NYAP2: variants seen among roughly 807,000 people sequenced by gnomAD.
NYAP2 encodes neuronal tyrosine-phosphorylated phosphoinositide-3-kinase adapter 2.
NYAP2 carries 23 observed loss-of-function variants against 50.4 expected under a neutral mutation model. The observed-to-expected ratio is 0.46, with a 90% CI of 0.33 to 0.65. NYAP2 has a LOEUF of 0.65. Among genes scored for constraint, NYAP2 ranks in the 30% least tolerant of loss-of-function variants. NYAP2 has a pLI of 0.02. For missense variants in NYAP2, 885 were observed against 861.0 expected (o/e 1.03, Z -0.35); for synonymous variants, 394 against 365.2 (o/e 1.08, Z -0.90).
chr2:225,583,194 T>A (rs973033520), intron 5 of NYAP2, among the ~76,000 whole-genome samples, 159 bp downstream of exon 5: 2 of 152,222 alleles, frequency 1.3e-5, no homozygotes, highest in Non-Finnish European at 2.9e-5. Context: ...ATTTTTGCCA[T>A]GCTAAACCAA....
chr2:225,561,822 A>G lies in NYAP2; in HGVS notation c.524-20119A>G, dbSNP rs961978234. On this transcript the variant is annotated intron_variant, in intron 4 of 6. Coordinates refer to ENST00000636099, the Ensembl canonical transcript of NYAP2. ...TCTATATTTCTGTATTATATGTATCATGTTATGTTGACAGTAAATGTTAAA... is the reference window on the plus strand; with the variant it reads ...TCTATATTTCTGTATTATATGTATCGTGTTATGTTGACAGTAAATGTTAAA... 9.9e-5 allele frequency among the ~76,000 whole-genome samples: 15 copies of G among 152,058 alleles called. 1 individual carries two copies. The highest frequency in any genetic ancestry group is 6.6e-5 in the Admixed American group (1 of 15,246).
intron 4 of NYAP2, among the ~76,000 whole-genome samples, chr2:225,532,775 C>T (rs1691280192): frequency 6.6e-6 from 1 of 152,156 alleles, no homozygotes; most frequent in South Asian, 2.1e-4. Context: ...CTGGTACCTG[C>T]TACTAGCCAA....
chr2:225,399,532 TA>T (rs1348995782), upstream of NYAP2, among the ~76,000 whole-genome samples: 3 of 152,022 alleles, frequency 2.0e-5, no homozygotes, highest in African/African-American at 7.2e-5. Context: ...TTATTTTAGT[TA>T]AAAAAATGTG....
downstream of NYAP2, among the ~76,000 whole-genome samples, chr2:225,657,442 C>T (rs1358155070): frequency 6.6e-6 from 1 of 151,778 alleles, no homozygotes; most frequent in African/African-American, 2.4e-5. Flanking sequence ...GGTGCCCACC[C>T]CAACTCTGAA....
chr2:225,670,514 T>C, the NYAP2 span, among the ~76,000 whole-genome samples: 1 of 151,792 alleles, frequency 6.6e-6, no homozygotes, highest in South Asian at 2.1e-4. Context: ...ATTAATGGTC[T>C]TGGTTATGAT....
At chr2:225,656,003 G>C (rs927721036), downstream of NYAP2, among the ~76,000 whole-genome samples, 2 of 150,926 alleles carry the variant, frequency 1.3e-5, no homozygotes, top group Non-Finnish European at 2.9e-5. Context: ...TTTTACAGCA[G>C]ATTCTCATGT....
At chr2:225,615,011 T>TTA (rs1692963923) in intron 5 of NYAP2, among the ~76,000 whole-genome samples, 1 of 152,124 alleles carries the variant, frequency 6.6e-6, no homozygotes, top group Non-Finnish European at 1.5e-5. Flanking sequence ...GCCTCTAAAA[T>TTA]GTCAAAAAAA....
At chr2:225,480,867 A>G (rs1215670663) in intron 3 of NYAP2, among the ~76,000 whole-genome samples, 1 of 152,176 alleles carries the variant, frequency 6.6e-6, no homozygotes, top group African/African-American at 2.4e-5. Context: ...TTAGTCCAAC[A>G]ACATGATCCA....
At chr2:225,601,131 T>C (rs1348493253) in intron 5 of NYAP2, among the ~76,000 whole-genome samples, 1 of 151,588 alleles carries the variant, frequency 6.6e-6, no homozygotes, top group Non-Finnish European at 1.5e-5. Flanking sequence ...AAGTTTTTTT[T>C]TTTTTTTTTT....
At chr2:225,501,442 G>A (rs1690605430) in intron 3 of NYAP2, among the ~76,000 whole-genome samples, 1 of 152,182 alleles carries the variant, frequency 6.6e-6, no homozygotes, top group African/African-American at 2.4e-5. Context: ...TGTAAATAAT[G>A]TATAAAACAA....
At chr2:225,505,310 T>C (rs1274823515) in intron 3 of NYAP2, among the ~76,000 whole-genome samples, 1 of 152,238 alleles carries the variant, frequency 6.6e-6, no homozygotes, top group East Asian at 1.9e-4. Flanking sequence ...ATTGAGGATA[T>C]GAAGTGGTGA....
chr2:225,550,440 T>A (rs1288060227), intron 4 of NYAP2, among the ~76,000 whole-genome samples: 2 of 152,192 alleles, frequency 1.3e-5, no homozygotes, highest in Non-Finnish European at 2.9e-5. Flanking sequence ...TTTGAAGGCA[T>A]TGGTGATCAG....
At chr2:225,626,876 TTACTC>T in intron 5 of NYAP2, 36 bp from the exon 6 acceptor site, 1 of 1,425,902 alleles carries the variant, frequency 7.0e-7, no homozygotes, top group Non-Finnish European at 9.7e-7. Context: ...AGGAAGAACT[TTACTC>T]TTGTTTAACA....
intron 4 of NYAP2, among the ~76,000 whole-genome samples, chr2:225,574,506 C>T (rs1303619912): frequency 6.6e-6 from 1 of 152,196 alleles, no homozygotes. Context: ...TTTTCTGTAA[C>T]AAATGACCTG....
chr2:225,657,941 A>T (rs906123207), downstream of NYAP2, among the ~76,000 whole-genome samples: 7 of 152,250 alleles, frequency 4.6e-5, no homozygotes, highest in Admixed American at 4.6e-4. Context: ...CCCCTTCTCT[A>T]TAATGTGCTG....
intron 4 of NYAP2, among the ~76,000 whole-genome samples, chr2:225,516,064 C>G (rs978254993): frequency 1.3e-5 from 2 of 152,082 alleles, no homozygotes; most frequent in African/African-American, 4.8e-5. Flanking sequence ...GGAGGGGGAG[C>G]TGGGCTACTT....
At chr2:225,703,561 T>C in the NYAP2 span, 1 of 151,960 alleles carries the variant, frequency 6.6e-6, no homozygotes, top group African/African-American at 2.4e-5. Context: ...AAATAAATTG[T>C]TTTCTTTAGT....
intron 3 of NYAP2, among the ~76,000 whole-genome samples, chr2:225,432,913 G>C (rs1028701978): frequency 2.0e-5 from 3 of 152,074 alleles, no homozygotes; most frequent in Non-Finnish European, 4.4e-5. Flanking sequence ...GGGGAGGCAG[G>C]TTCCTTTATT....
At chr2:225,612,508 A>G (rs1246705329) in intron 5 of NYAP2, among the ~76,000 whole-genome samples, 1 of 152,084 alleles carries the variant, frequency 6.6e-6, no homozygotes, top group Middle Eastern at 3.2e-3. Context: ...TAGTTTGCTC[A>G]GGCTACCATA....
Sources: gnomAD v4.1 joint callset for allele counts (sites outside exome capture counted in the v4.1 genomes callset) on GRCh38, gnomAD v4.1.1 for gene constraint, MANE v1.5 for transcripts, NCBI Gene and HGNC (gene_info 2026-07-23, HGNC 2026-07-21) for gene names.